The following WDPCP variants were observed in gnomAD, a reference collection of about 807,000 sequenced individuals.
The protein encoded by WDPCP is WD repeat containing planar cell polarity effector, also known as WD repeat-containing and planar cell polarity effector protein fritz homolog.
Under a neutral mutation model 93.1 loss-of-function variants are expected in WDPCP, and 71 were observed. That is an observed-to-expected ratio of 0.76 (90% CI 0.63 to 0.93). The LOEUF (loss-of-function observed/expected upper bound fraction) is 0.93, where lower values mean the gene tolerates loss of function less well. Ranked by LOEUF, WDPCP falls within the 40% of genes least tolerant of loss-of-function variation. WDPCP has a pLI of 0.00. For synonymous variants in WDPCP, 315 were observed against 315.0 expected, an observed-to-expected ratio of 1.00 and a Z score of 0.00; for missense variants, 844 against 887.4, an observed-to-expected ratio of 0.95 and a Z score of 0.62.
intron 12 of WDPCP, among the ~76,000 whole-genome samples, chr2:63,341,204 C>G (rs1206367595): frequency 2.0e-5 from 3 of 152,208 alleles, no homozygotes; most frequent in Admixed American, 6.5e-5. Flanking sequence ...TCTCGGCATA[C>G]TGCAACCTCC....
intron 3 of WDPCP, among the ~76,000 whole-genome samples, chr2:63,618,117 G>T (rs754386443): frequency 6.6e-6 from 1 of 152,268 alleles, no homozygotes; most frequent in Non-Finnish European, 1.5e-5. Flanking sequence ...TGAAAGAGGG[G>T]CTTATGTAAA....
intron 12 of WDPCP, among the ~76,000 whole-genome samples, chr2:63,345,493 G>T (rs954489933): frequency 2.0e-5 from 3 of 152,190 alleles, no homozygotes; most frequent in African/African-American, 7.2e-5. Context: ...TTTCAGGAAG[G>T]CTAGTGAAAG....
chr2:63,609,303 G>A (rs1357713153), intron 3 of WDPCP, among the ~76,000 whole-genome samples: 1 of 152,138 alleles, frequency 6.6e-6, no homozygotes, highest in African/African-American at 2.4e-5. Context: ...GGAGGTTGCA[G>A]TGAGCCGAGA....
At chr2:63,332,073 G>C (rs1688016147) in intron 12 of WDPCP, among the ~76,000 whole-genome samples, 2 of 150,476 alleles carry the variant, frequency 1.3e-5, no homozygotes, top group Non-Finnish European at 3.0e-5. Flanking sequence ...AGTTCTCTTG[G>C]GGGGAGATAC....
intron 6 of WDPCP, among the ~76,000 whole-genome samples, chr2:63,448,315 A>G (rs1158074584): frequency 6.6e-6 from 1 of 152,208 alleles, no homozygotes; most frequent in Non-Finnish European, 1.5e-5. Context: ...TTCTCAAAGC[A>G]GAGTCCATGA....
At chr2:63,403,483 A>T (rs897222019) in intron 10 of WDPCP, among the ~76,000 whole-genome samples, 1 of 152,220 alleles carries the variant, frequency 6.6e-6, no homozygotes, top group Non-Finnish European at 1.5e-5. Context: ...TTTTATAGCT[A>T]TTAACTTATC....
chr2:63,699,526 C>A (rs145249386), intron 2 of WDPCP, among the ~76,000 whole-genome samples: 21 of 152,212 alleles, frequency 1.4e-4, no homozygotes, highest in African/African-American at 3.9e-4. Flanking sequence ...GTTTTTGAGG[C>A]GCTGGCCTTT....
intron 2 of WDPCP, among the ~76,000 whole-genome samples, chr2:63,488,810 T>A (rs534185357): frequency 1.3e-5 from 2 of 151,954 alleles, no homozygotes; most frequent in African/African-American, 4.8e-5. Flanking sequence ...AACTCTAGAA[T>A]AGAACTATGA....
intron 6 of WDPCP, among the ~76,000 whole-genome samples, chr2:63,466,661 C>T (rs565186959): frequency 3.3e-5 from 5 of 152,246 alleles, no homozygotes; most frequent in African/African-American, 1.2e-4. Context: ...ACTTTACCCT[C>T]CCTTTAAAAA....
At chr2:63,193,793 C>T (rs1675217057) in intron 14 of WDPCP, among the ~76,000 whole-genome samples, 1 of 151,856 alleles carries the variant, frequency 6.6e-6, no homozygotes, top group Non-Finnish European at 1.5e-5. Context: ...TTAATTTTAT[C>T]AAAATAGAGC....
intron 2 of WDPCP, among the ~76,000 whole-genome samples, chr2:63,788,363 A>C (rs986452031): frequency 1.3e-5 from 2 of 152,210 alleles, no homozygotes; most frequent in Non-Finnish European, 2.9e-5. Flanking sequence ...ATATAACGCT[A>C]AACAGAATTT....
At chr2:63,691,290 A>G (rs958844481) in intron 2 of WDPCP, among the ~76,000 whole-genome samples, 11 of 152,228 alleles carry the variant, frequency 7.2e-5, no homozygotes, top group Admixed American at 6.5e-4. Flanking sequence ...GACAGAAGGC[A>G]CTATATAAGG....
At chr2:63,254,889 A>G (rs558518538) in intron 14 of WDPCP, among the ~76,000 whole-genome samples, 12 of 152,292 alleles carry the variant, frequency 7.9e-5, no homozygotes, top group African/African-American at 2.9e-4. Context: ...GTAAATGCCA[A>G]CATTTAAAAA....
At position 63,723,554 on chromosome 2, in the gene WDPCP, C is replaced by T. The variant is rs180963195; in HGVS notation, n.309-72716G>A. Among the ~76,000 whole-genome samples, 239 of 152,324 alleles carry T rather than the reference C, an allele frequency of 1.6e-3. 1 individual carries two copies. The highest frequency in any genetic ancestry group is 5.5e-3 in the African/African-American group (229 of 41,586). On this transcript the variant is annotated intron_variant and non_coding_transcript_variant, in intron 2 of 4. Coordinates refer to the WDPCP transcript ENST00000467687. The stretch of plus-strand genomic sequence containing the variant: ...TCATCAGTGGCTGCCTAACCCCTCA[C>T]ACAATGCTTTGCACATAGTTGGCAT...
intron 15 of WDPCP, among the ~76,000 whole-genome samples, chr2:63,172,516 C>A (rs1386464634): frequency 1.3e-5 from 2 of 151,644 alleles, no homozygotes; most frequent in Admixed American, 6.6e-5. Flanking sequence ...CCCCACCCCT[C>A]CAAAAAATAA....
intron 6 of WDPCP, among the ~76,000 whole-genome samples, chr2:63,483,292 C>G (rs1455225691): frequency 6.6e-6 from 1 of 151,846 alleles, no homozygotes; most frequent in East Asian, 1.9e-4. Context: ...TTGAAACTTT[C>G]TGGAGCGTAT....
chr2:63,698,241 A>G (rs1668990982), intron 2 of WDPCP, among the ~76,000 whole-genome samples: 1 of 152,122 alleles, frequency 6.6e-6, no homozygotes, highest in Admixed American at 6.6e-5. Context: ...TTAATGAGGA[A>G]AAAATTCTAA....
intron 3 of WDPCP, among the ~76,000 whole-genome samples, chr2:63,631,760 G>A (rs1471988761): frequency 6.6e-6 from 1 of 152,194 alleles, no homozygotes; most frequent in Non-Finnish European, 1.5e-5. Context: ...CAGCCATGCT[G>A]CAGGTGCCAT....
intron 3 of WDPCP, among the ~76,000 whole-genome samples, chr2:63,609,068 T>A (rs1257432486): frequency 1.3e-5 from 2 of 152,114 alleles, no homozygotes; most frequent in African/African-American, 4.8e-5. Context: ...CTGCTCCTTG[T>A]TAAAAATGTG....
Sources: allele counts gnomAD v4.1 joint callset (sites outside exome capture counted in the v4.1 genomes callset), GRCh38; gene constraint gnomAD v4.1.1; transcripts MANE v1.5; gene names NCBI Gene and HGNC (gene_info 2026-07-23, HGNC 2026-07-21).